Variants in NUBP1 observed in about 807,000 individuals in gnomAD.
The protein encoded by NUBP1 is NUBP iron-sulfur cluster assembly factor 1, cytosolic.
In NUBP1, 46 loss-of-function variants were observed where a neutral mutation model predicts 41.8. The ratio of observed to expected loss-of-function variants is 1.10; its 90% CI spans 0.87 to 1.41. NUBP1 has a LOEUF of 1.41. Among genes scored for constraint, NUBP1 ranks in the 40% most tolerant of loss-of-function variants. The probability of loss-of-function intolerance (pLI) is 0.00; values close to 1 mark genes in which losing one functional copy is unlikely to be tolerated. For synonymous variants in NUBP1, 189 were observed against 154.6 expected (o/e 1.22, Z -1.65); for missense variants, 494 against 414.0 (o/e 1.19, Z -1.68).
Position 10,759,809 on chromosome 16 carries a change from G to T in NUBP1, c.607-1555G>T, listed in dbSNP as rs769555904. On this transcript the variant is annotated intron_variant, in intron 7 of 10. Transcript: ENST00000283027. This position sits in a 1 kb window ranked among gnomAD's most constrained non-coding sequence, Gnocchi z 4.7. ...AAAGAAAGAAATGAGAGACTGAGTC[G>T]CAGCCCATTGACTTTCTAGCTGAGC... is the stretch of plus-strand genomic sequence containing the variant. Among the ~76,000 whole-genome samples the T allele has an allele frequency of 6.6e-6, 1 of 152,142 alleles. No homozygotes were observed. Among genetic ancestry groups the T allele is most frequent in the Non-Finnish European group, 1.5e-5 (1 of 68,022 alleles).
rs1411770550 is a variant in NUBP1, at chr16:10,749,120, GACACATACACACACACACACACACAC to G, written c.258+1850_258+1875del. On this transcript the variant is annotated intron_variant, in intron 3 of 10. Coordinates refer to ENST00000283027, the MANE Select transcript of NUBP1 (RefSeq NM_002484.4). This position sits in a 1 kb window ranked among gnomAD's most constrained non-coding sequence, Gnocchi z 4.1. ...AAAAAAGGATATAGATAGATACACA[GACACATACACACACACACACACACAC>G]ACACACACACACACACACACACACG... Among the ~76,000 whole-genome samples the G allele has an allele frequency of 4.3e-5, 4 of 92,378 alleles. No individual in the cohort carries two copies. The highest frequency in any genetic ancestry group is 1.5e-4 in the African/African-American group (4 of 25,810). The allele number at this position is 92,378 out of a possible 152,430, so 60.6% of individuals were successfully genotyped here. A position where few individuals can be genotyped will look rare whatever the true frequency, so the allele number is the denominator to read the frequency against.
rs1472186687 is a variant in NUBP1, at chr16:10,744,180, T to G, written c.124+115T>G. 6.8e-5 allele frequency: 73 copies of G among 1,066,578 alleles called. 1 individual carries two copies. Among genetic ancestry groups the G allele is most frequent in the Non-Finnish European group, 8.6e-5 (66 of 771,660 alleles). The allele number at this position is 1,066,578 out of a possible 1,614,324, so 66.1% of individuals were successfully genotyped here. A position where few individuals can be genotyped will look rare whatever the true frequency, so the allele number is the denominator to read the frequency against. ...TGACTGACAGCGGCAGGCTAGAAGG[T>G]ATTGTATTCGGAGAGGGGTGGGGCC... On this transcript the variant is annotated intron_variant, in intron 2 of 10. Transcript: ENST00000283027.
chr16:10,768,751 T>C lies in NUBP1; in HGVS notation c.905-296T>C. 3.1e-6 allele frequency: 1 copy of C among 324,266 alleles called. No homozygotes were observed. The highest frequency in any genetic ancestry group is 8.3e-4 in the Middle Eastern group (1 of 1,208). The allele number at this position is 324,266 out of a possible 1,614,324, so 20.1% of individuals were successfully genotyped here. A position where few individuals can be genotyped will look rare whatever the true frequency, so the allele number is the denominator to read the frequency against. ...GTTAAAGCTGTGGTCTCTGAGTTTGTGGCTGGGTTTTACTTGCCTAGAAGA... is the reference window on the plus strand; with the variant it reads ...GTTAAAGCTGTGGTCTCTGAGTTTGCGGCTGGGTTTTACTTGCCTAGAAGA... On this transcript the variant is annotated intron_variant, in intron 10 of 10. Transcript: ENST00000283027. This position sits in a 1 kb window ranked among gnomAD's most constrained non-coding sequence, Gnocchi z 4.3.
chr16:10,759,815 C>T lies in NUBP1; in HGVS notation c.607-1549C>T, dbSNP rs1900818715. Among the ~76,000 whole-genome samples, 1 of 152,150 alleles carries T rather than the reference C, an allele frequency of 6.6e-6. No individual in the cohort carries two copies. The highest frequency in any genetic ancestry group is 6.6e-5 in the Admixed American group (1 of 15,264). ...AGAAATGAGAGACTGAGTCGCAGCC[C>T]ATTGACTTTCTAGCTGAGCGCCCCT... On this transcript the variant is annotated intron_variant, in intron 7 of 10. Transcript: ENST00000283027. This position sits in a 1 kb window ranked among gnomAD's most constrained non-coding sequence, Gnocchi z 4.7.
rs1243201372 is a variant in NUBP1, at chr16:10,769,196, T to G, written c.*91T>G. ...AGACCCGACCAGCTCCGGGATGGGG[T>G]GGGTCACAGCAAAAGGACCAGATGC... is the stretch of plus-strand genomic sequence containing the variant. On this transcript the variant is annotated 3_prime_UTR_variant, in exon 11 of 11. Transcript: ENST00000283027. 1 of 1,183,270 alleles carries G rather than the reference T, an allele frequency of 8.5e-7. No individual in the cohort carries two copies. Among genetic ancestry groups the G allele is most frequent in the Non-Finnish European group, 1.3e-6 (1 of 799,966 alleles). 73.3% of individuals were successfully genotyped at this position (1,183,270 alleles called of 1,614,324 possible). A position where few individuals can be genotyped will look rare whatever the true frequency, so the allele number is the denominator to read the frequency against.
chr16:10,743,878 T>C lies in NUBP1; in HGVS notation c.15T>C (p.Pro5=). MEEV[P]HDCPGADSAQ... is the part of the protein sequence containing the mutation. ...AAGGCGACGGAATGGAGGAGGTGCC[T>C]CACGGTAAGCTCGCGGAGGGGGCGT... is the stretch of plus-strand genomic sequence containing the variant. Residue 5 remains proline, a synonymous_variant, in exon 1 of 11, where the codon CCT becomes CCC. Coordinates refer to ENST00000283027, the MANE Select transcript of NUBP1 (RefSeq NM_002484.4). 1 of 1,567,480 alleles carries C rather than the reference T, an allele frequency of 6.4e-7. No homozygotes were observed. The highest frequency in any genetic ancestry group is 1.4e-5 in the African/African-American group (1 of 73,730).
intron 4 of NUBP1, among the ~76,000 whole-genome samples, chr16:10,753,813 G>A (rs1350304001): frequency 6.6e-6 from 1 of 152,090 alleles, no homozygotes; most frequent in Non-Finnish European, 1.5e-5. Flanking sequence ...AGGGCATTCT[G>A]GGCTAAGGGA....
intron 7 of NUBP1, 122 bp downstream of exon 7, chr16:10,758,149 C>T: frequency 8.8e-7 from 1 of 1,130,698 alleles, no homozygotes; most frequent in South Asian, 1.5e-5. Context: ...TCCGCAGCTG[C>T]ATCTGATGTG....
chr16:10,760,237 C>T (rs1462598654), intron 7 of NUBP1, among the ~76,000 whole-genome samples: 1 of 152,244 alleles, frequency 6.6e-6, no homozygotes, highest in African/African-American at 2.4e-5. Context: ...CCCCACGGTC[C>T]CTGTCCCAGC....
intron 3 of NUBP1, among the ~76,000 whole-genome samples, chr16:10,748,461 G>C (rs1900159912): frequency 6.6e-6 from 1 of 152,076 alleles, no homozygotes; most frequent in Non-Finnish European, 1.5e-5. Flanking sequence ...TAATAAAAGG[G>C]GTTGGTGGGT....
At chr16:10,750,558 T>G (rs1045542829) in intron 3 of NUBP1, among the ~76,000 whole-genome samples, 1 of 152,216 alleles carries the variant, frequency 6.6e-6, no homozygotes, top group Non-Finnish European at 1.5e-5. Context: ...AATTAAACAT[T>G]TATGATCTTT....
At chr16:10,762,668 C>T (rs2030142806) in intron 9 of NUBP1, among the ~76,000 whole-genome samples, 1 of 152,088 alleles carries the variant, frequency 6.6e-6, no homozygotes, top group African/African-American at 2.4e-5. Context: ...GGCCGGGATC[C>T]AGGAGTGCCG....
At chr16:10,762,138 T>C in intron 9 of NUBP1, 2 of 306,336 alleles carry the variant, frequency 6.5e-6, no homozygotes, top group Non-Finnish European at 1.2e-5. Flanking sequence ...GGCAGGGGAC[T>C]GAGGAGGGCA....
Position 10,759,353 on chromosome 16 carries a change from A to C in NUBP1, c.606+1326A>C, listed in dbSNP as rs1363521422. Among the ~76,000 whole-genome samples the C allele has an allele frequency of 6.6e-6, 1 of 152,240 alleles. No individual in the cohort carries two copies. Among genetic ancestry groups the C allele is most frequent in the Non-Finnish European group, 1.5e-5 (1 of 68,042 alleles). On this transcript the variant is annotated intron_variant, in intron 7 of 10. Transcript: ENST00000283027. The surrounding 1 kb of genome is among the most constrained non-coding windows in gnomAD (Gnocchi z 4.7). ...CCCTGGCATCCTGCAGAGAGGGGAC[A>C]TGGGGACGCAAGGAGGAGCAGGACA...
Position 10,743,969 on chromosome 16 carries a change from G to A in NUBP1, c.28G>A (p.Gly10Arg). ...GTCTTGTCTCTGCGCAGACTGTCCA[G>A]GGGCCGACAGCGCCCAGGCGGGCAG... MEEVPHDCP[G>R]ADSAQAGRGA... Residue 10 changes from glycine (G) to arginine (R), a missense_variant, in exon 2 of 11, where the codon GGG becomes AGG. Physicochemically the swap from Gly to Arg is moderately radical, Grantham distance 125 (BLOSUM62 -2). Transcript: ENST00000283027. 1.3e-6 allele frequency: 2 copies of A among 1,584,892 alleles called. No homozygotes were observed. Among genetic ancestry groups the A allele is most frequent in the Non-Finnish European group, 1.7e-6 (2 of 1,170,542 alleles).
chr16:10,745,168 T>C (rs766336399), intron 2 of NUBP1, among the ~76,000 whole-genome samples: 25 of 148,904 alleles, frequency 1.7e-4, no homozygotes, highest in Non-Finnish European at 3.4e-4. Context: ...TGGTTCCTCA[T>C]CAAAAATGGA....
rs9927431 is a variant in NUBP1, at chr16:10,768,850, C to T, written c.905-197C>T. On this transcript the variant is annotated intron_variant, in intron 10 of 10. Coordinates refer to ENST00000283027, the MANE Select transcript of NUBP1 (RefSeq NM_002484.4). The surrounding 1 kb of genome is among the most constrained non-coding windows in gnomAD (Gnocchi z 4.3). ...GATGGTCCGAGGAAGGCCGCAGCCA[C>T]TGGTTATGAGCAAGATGGGTAGTGT... The T allele has an allele frequency of 0.29, 154,632 of 530,056 alleles. 24,351 individuals are homozygous for T. Among genetic ancestry groups the T allele is most frequent in the African/African-American group, 0.49 (24,999 of 51,124 alleles). 32.8% of individuals were successfully genotyped at this position (530,056 alleles called of 1,614,324 possible).
chr16:10,748,139 TG>T (rs1044982292), intron 3 of NUBP1, among the ~76,000 whole-genome samples: 1 of 152,044 alleles, frequency 6.6e-6, no homozygotes, highest in African/African-American at 2.4e-5. Flanking sequence ...TTTGTAGAGA[TG>T]AGGTTTTGCC....
chr16:10,753,421 G>C (rs972676368), intron 4 of NUBP1, among the ~76,000 whole-genome samples: 8 of 152,142 alleles, frequency 5.3e-5, no homozygotes, highest in African/African-American at 1.7e-4. Flanking sequence ...GAGCGATGTG[G>C]GCTGGGGGCA....
Sources: allele counts gnomAD v4.1 joint callset (sites outside exome capture counted in the v4.1 genomes callset), GRCh38; gene constraint gnomAD v4.1.1; non-coding constraint Gnocchi (gnomAD v3.1); transcripts MANE v1.5; gene names NCBI Gene and HGNC (gene_info 2026-07-23, HGNC 2026-07-21).